The following ME3 variants were observed in gnomAD, a reference collection of about 807,000 sequenced individuals.
ME3 encodes the protein NADP-dependent malic enzyme, mitochondrial.
Under a neutral mutation model 68.9 loss-of-function variants are expected in ME3, and 48 were observed. The ratio of observed to expected loss-of-function variants is 0.70; its 90% CI spans 0.55 to 0.89. ME3 has a LOEUF of 0.89. Among genes scored for constraint, ME3 ranks in the 40% least tolerant of loss-of-function variants. ME3 has a pLI of 0.00. For synonymous variants in ME3, 320 were observed against 318.8 expected (o/e 1.00, Z -0.04); for missense variants, 675 against 797.4 (o/e 0.85, Z 1.85).
chr11:86,528,173 A>G (rs1394972882), intron 4 of ME3, among the ~76,000 whole-genome samples: 8 of 152,228 alleles, frequency 5.3e-5, no homozygotes, highest in Non-Finnish European at 8.8e-5. Context: ...CTACCAAGCA[A>G]ATGGAAAACA....
chr11:86,552,240 CA>C (rs1444739518), intron 4 of ME3, among the ~76,000 whole-genome samples: 21 of 152,300 alleles, frequency 1.4e-4, no homozygotes, highest in African/African-American at 5.1e-4. Flanking sequence ...AATTAATTGT[CA>C]AAAGTCATCA....
At chr11:86,450,077 A>G in intron 9 of ME3, 75 bp from the exon 10 acceptor site, 6 of 1,257,378 alleles carry the variant, frequency 4.8e-6, no homozygotes, top group South Asian at 1.3e-5. Flanking sequence ...GTCTTGCCAT[A>G]AGGACCCCCT....
At chr11:86,545,637 A>G (rs1956317706) in intron 4 of ME3, among the ~76,000 whole-genome samples, 1 of 152,252 alleles carries the variant, frequency 6.6e-6, no homozygotes, top group Non-Finnish European at 1.5e-5. Context: ...AAGGGGAACT[A>G]AAAACCACTG....
At chr11:86,498,498 GAGAAAAT>G (rs1481445906) in intron 5 of ME3, among the ~76,000 whole-genome samples, 52 of 152,286 alleles carry the variant, frequency 3.4e-4, no homozygotes, top group African/African-American at 1.2e-3. Flanking sequence ...ATAATTAAAG[GAGAAAAT>G]AAAAAATACG....
intron 4 of ME3, among the ~76,000 whole-genome samples, chr11:86,551,577 T>C (rs1393076870): frequency 6.6e-6 from 1 of 152,196 alleles, no homozygotes; most frequent in African/African-American, 2.4e-5. Context: ...ATGTCTTAGA[T>C]AAGTCAGCTT....
intron 2 of ME3, among the ~76,000 whole-genome samples, chr11:86,613,803 T>C (rs1409870556): frequency 6.6e-6 from 1 of 152,052 alleles, no homozygotes; most frequent in Non-Finnish European, 1.5e-5. Flanking sequence ...AAACCACTGC[T>C]CAAGGAAATA....
At chr11:86,643,484 C>T (rs74584908) in intron 2 of ME3, among the ~76,000 whole-genome samples, 5,937 of 152,150 alleles carry the variant, frequency 0.039, 149 homozygotes, top group Non-Finnish European at 0.059. Flanking sequence ...TAGGTCTTAG[C>T]CTTGACACAC....
At chr11:86,666,275 C>T (rs1946582113) in intron 2 of ME3, among the ~76,000 whole-genome samples, 2 of 152,144 alleles carry the variant, frequency 1.3e-5, no homozygotes, top group South Asian at 4.1e-4. Context: ...TTCCCCTTCC[C>T]AATTGGCTTC....
intron 8 of ME3, 102 bp from the exon 9 acceptor site, chr11:86,450,500 G>C: frequency 1.1e-6 from 1 of 936,090 alleles, no homozygotes; most frequent in Non-Finnish European, 1.7e-6. Flanking sequence ...TGGAGGAACA[G>C]GCAACTTTTC....
chr11:86,524,568 A>T (rs1263707618), intron 4 of ME3, among the ~76,000 whole-genome samples: 1 of 152,254 alleles, frequency 6.6e-6, no homozygotes, highest in African/African-American at 2.4e-5. Flanking sequence ...TTTATGAGGC[A>T]GTTCTATGGG....
At chr11:86,498,073 A>G in exon 6 of ME3, 1 of 1,613,760 alleles carries the variant, frequency 6.2e-7, no homozygotes, top group Non-Finnish European at 8.5e-7. Context: ...ATGCCGTAGC[A>G]GCCCAGGTCT....
chr11:86,506,970 A>C (rs1270565492), intron 5 of ME3, among the ~76,000 whole-genome samples: 1 of 152,246 alleles, frequency 6.6e-6, no homozygotes, highest in Admixed American at 6.5e-5. Flanking sequence ...GAGTCTAAGC[A>C]GATAAGCAGG....
chr11:86,468,565 C>T (rs118157564), intron 7 of ME3, among the ~76,000 whole-genome samples: 10 of 152,278 alleles, frequency 6.6e-5, no homozygotes, highest in African/African-American at 1.2e-4. Flanking sequence ...AAGGAGTTGG[C>T]GGAAACTTAA....
At chr11:86,566,737 C>G (rs1957500205) in intron 2 of ME3, among the ~76,000 whole-genome samples, 2 of 152,234 alleles carry the variant, frequency 1.3e-5, no homozygotes, top group Admixed American at 1.3e-4. Context: ...AACCAGGATG[C>G]ATTTTATAAT....
chr11:86,449,263 C>G (rs1949496624), intron 10 of ME3, among the ~76,000 whole-genome samples: 1 of 152,216 alleles, frequency 6.6e-6, no homozygotes, highest in Admixed American at 6.5e-5. Flanking sequence ...AGTTGTGTCT[C>G]TCAACACGTG....
intron 2 of ME3, among the ~76,000 whole-genome samples, chr11:86,658,393 G>T (rs185000721): frequency 2.2e-4 from 34 of 152,060 alleles, no homozygotes; most frequent in African/African-American, 8.2e-4. Context: ...AAAATGCTGG[G>T]ATTATAGGTG....
intron 8 of ME3, among the ~76,000 whole-genome samples, chr11:86,460,319 G>A (rs1950169118): frequency 6.6e-6 from 1 of 152,194 alleles, no homozygotes; most frequent in African/African-American, 2.4e-5. Flanking sequence ...CCCTTCAAGT[G>A]CTCGGGCTTC....
intron 8 of ME3, among the ~76,000 whole-genome samples, chr11:86,450,878 T>C (rs574393930): frequency 3.9e-4 from 60 of 152,312 alleles, no homozygotes; most frequent in African/African-American, 1.4e-3. Flanking sequence ...CATCGTCAAA[T>C]GGCTTGAGTA....
chr11:86,526,630 C>A (rs1212738416), intron 4 of ME3, among the ~76,000 whole-genome samples: 1 of 152,226 alleles, frequency 6.6e-6, no homozygotes, highest in Non-Finnish European at 1.5e-5. Context: ...TAGGGGCAGA[C>A]TGACACCTCA....
Sources: allele counts gnomAD v4.1 joint callset (sites outside exome capture counted in the v4.1 genomes callset), GRCh38; gene constraint gnomAD v4.1.1; transcripts MANE v1.5; gene names NCBI Gene and HGNC (gene_info 2026-07-23, HGNC 2026-07-21).